FEZF2: variants seen among roughly 807,000 people sequenced by gnomAD.
FEZF2 encodes FEZ family zinc finger 2.
Under a neutral mutation model 32.8 loss-of-function variants are expected in FEZF2, and 2 were observed. The ratio of observed to expected loss-of-function variants is 0.06; its 90% confidence interval spans 0.02 to 0.19. FEZF2 has a LOEUF of 0.19. Ranked by LOEUF, FEZF2 falls within the 10% of genes least tolerant of loss-of-function variation. The probability of loss-of-function intolerance (pLI) is 1.00; values close to 1 mark genes in which losing one functional copy is unlikely to be tolerated. For missense variants in FEZF2, 516 were observed against 625.4 expected, an observed-to-expected ratio of 0.83 and a Z score of 1.87; for synonymous variants, 322 against 284.8, an observed-to-expected ratio of 1.13 and a Z score of -1.32.
Position 62,370,902 on chromosome 3 carries a change from G to A in FEZF2, c.1120+315C>T, listed in dbSNP as rs979173624. On this transcript the variant is annotated intron_variant, in intron 4 of 4. Coordinates refer to ENST00000283268, the MANE Select transcript of FEZF2 (RefSeq NM_018008.4). The surrounding 1 kb of genome is among the most constrained non-coding windows in gnomAD (Gnocchi z 4.2). ...ATTTTTCATTTGAAAGGGAAGTTCC[G>A]GATACAAAAGGAACCTTTTTCTATA... is the stretch of plus-strand genomic sequence containing the variant. Among the ~76,000 whole-genome samples the A allele has an allele frequency of 1.3e-5, 2 of 152,066 alleles. No homozygotes were observed. The highest frequency in any genetic ancestry group is 4.8e-5 in the African/African-American group (2 of 41,404).
Position 62,370,430 on chromosome 3 carries a change from C to T in FEZF2, c.1121-88G>A, listed in dbSNP as rs182928334. The T allele has an allele frequency of 2.1e-6, 3 of 1,451,442 alleles. No individual in the cohort carries two copies. In the African/African-American group the frequency reaches 4.3e-5, roughly 21 times the overall value. 89.9% of individuals were successfully genotyped at this position (1,451,442 alleles called of 1,614,324 possible). On this transcript the variant is annotated intron_variant, in intron 4 of 4. Transcript: ENST00000283268. This position sits in a 1 kb window ranked among gnomAD's most constrained non-coding sequence, Gnocchi z 4.2. ...GGGCGTCCCAGGGGCAGCCCAGGTG[C>T]CTGCTCAAAAAAGGCGACGCTTGGC... is the stretch of plus-strand genomic sequence containing the variant.
At chr3:62,371,756 A>G in intron 2 of FEZF2, 89 bp from the exon 3 acceptor site, 1 of 1,521,718 alleles carries the variant, frequency 6.6e-7, no homozygotes, top group Non-Finnish European at 8.8e-7. Context: ...TCCCCCAACC[A>G]ACACCCCCTT....
rs1419880471 is a variant in FEZF2 at position 62,372,590 on chromosome 3, C to G, written c.279G>C (p.Glu93Asp). ...VPSKTLLSYSELWKSSLRAGG... is the reference protein window; with the variant it reads ...VPSKTLLSYSDLWKSSLRAGG... ...CCGCCCGGAGGCTGCTTTTCCAGAG[C>G]TCCGAGTAACTGAGCAGTGTCTTTG... Residue 93 changes from glutamate (E) to aspartate (D), a missense_variant, in exon 2 of 5, where the codon GAG becomes GAC. Around this residue, in one of 3 missense-constraint regions of FEZF2, gnomAD observed 408 missense variants for 382.2 expected, o/e 1.07. Coordinates refer to ENST00000283268, the MANE Select transcript of FEZF2 (RefSeq NM_018008.4). This position sits in a 1 kb window ranked among gnomAD's most constrained non-coding sequence, Gnocchi z 9.6. 1 of 1,432,134 alleles carries G rather than the reference C, an allele frequency of 7.0e-7. No individual in the cohort carries two copies. The highest frequency in any genetic ancestry group is 9.2e-7 in the Non-Finnish European group (1 of 1,087,128). 88.7% of individuals were successfully genotyped at this position (1,432,134 alleles called of 1,614,324 possible).
chr3:62,371,806 A>G, intron 2 of FEZF2, 139 bp from the exon 3 acceptor site: 1 of 1,420,282 alleles, frequency 7.0e-7, no homozygotes, highest in East Asian at 2.4e-5. Context: ...AGTGCTGCCC[A>G]AACTCCTGCT....
rs961924417 is a variant in FEZF2, at chr3:62,369,729, G to A, written c.*354C>T. The A allele has an allele frequency of 4.0e-6, 1 of 248,900 alleles. No individual in the cohort carries two copies. The highest frequency in any genetic ancestry group is 2.2e-5 in the African/African-American group (1 of 45,028). The allele number at this position is 248,900 out of a possible 1,614,324, so 15.4% of individuals were successfully genotyped here. A position where few individuals can be genotyped will look rare whatever the true frequency, so the allele number is the denominator to read the frequency against. ...TATATATTCCGTGTTCGCTTGTACA[G>A]GAGGATTTACATGGCTGTATAAAGA... is the stretch of plus-strand genomic sequence containing the variant. On this transcript the variant is annotated 3_prime_UTR_variant, in exon 5 of 5. Coordinates refer to ENST00000283268, the MANE Select transcript of FEZF2 (RefSeq NM_018008.4). The surrounding 1 kb of genome is among the most constrained non-coding windows in gnomAD (Gnocchi z 4.2).
rs748844209 is a variant in FEZF2 at position 62,372,042 on chromosome 3, T to C, written c.827A>G (p.Asn276Ser). 1 of 1,607,492 alleles carries C rather than the reference T, an allele frequency of 6.2e-7. No homozygotes were observed. The highest frequency in any genetic ancestry group is 1.1e-5 in the South Asian group (1 of 90,410). ...PGGSADGKPKNFTCEVCGKVF... is the reference protein window; with the variant it reads ...PGGSADGKPKSFTCEVCGKVF... ...CTTGCCGCACACCTCGCAGGTGAAG[T>C]TTTTGGGCTTGCCATCTGCGGAGCC... is the stretch of plus-strand genomic sequence containing the variant. The change falls in exon 2 of 5, where the codon AAC becomes AGC. Residue 276 changes from asparagine to serine, a missense_variant. Coordinates refer to ENST00000283268, the MANE Select transcript of FEZF2 (RefSeq NM_018008.4). This position sits in a 1 kb window ranked among gnomAD's most constrained non-coding sequence, Gnocchi z 9.6.
Position 62,372,245 on chromosome 3 carries a change from G to A in FEZF2, c.624C>T (p.Pro208=). 6.3e-7 allele frequency: 1 copy of A among 1,580,312 alleles called. No individual in the cohort carries two copies. The highest frequency in any genetic ancestry group is 8.6e-7 in the Non-Finnish European group (1 of 1,162,954). Reference sequence around the variant, plus strand: ...TGGCGTTCTCCAGCAGAAAGAGCTTGGGGTGAGCAGCCAGGGCGGCGGGGG... The same window carrying A: ...TGGCGTTCTCCAGCAGAAAGAGCTTAGGGTGAGCAGCCAGGGCGGCGGGGG... The part of the protein sequence containing the change: ...AQAPAALAAH[P]KLFLLENAKL... Residue 208 remains proline (P), a synonymous_variant, in exon 2 of 5, where the codon CCC becomes CCT. Transcript: ENST00000283268. The surrounding 1 kb of genome is among the most constrained non-coding windows in gnomAD (Gnocchi z 9.6).
In FEZF2 at chr3:62,372,557, G is replaced by A. The variant is rs1365467977; in HGVS notation, c.312C>T (p.Gly104=). The change falls in exon 2 of 5, where the codon GGC becomes GGT. Residue 104 remains glycine (G), a synonymous_variant. Transcript: ENST00000283268. The surrounding 1 kb of genome is among the most constrained non-coding windows in gnomAD (Gnocchi z 9.6). ...LWKSSLRAGG[G]GGGGGGGGGG... is the part of the protein sequence containing the mutation. ...CGCCGCCACCGCCGCCGCCGCCTCC[G>A]CCGCCGCCCGCCCGGAGGCTGCTTT... The A allele has an allele frequency of 6.6e-6, 9 of 1,366,014 alleles. No homozygotes were observed. Among genetic ancestry groups the A allele is most frequent in the South Asian group, 4.9e-5 (2 of 41,042 alleles). The allele number at this position is 1,366,014 out of a possible 1,614,324, so 84.6% of individuals were successfully genotyped here. A position where few individuals can be genotyped will look rare whatever the true frequency, so the allele number is the denominator to read the frequency against.
Position 62,370,136 on chromosome 3 carries a change from C to A in FEZF2, c.1327G>T (p.Val443Leu). 1 of 1,614,200 alleles carries A rather than the reference C, an allele frequency of 6.2e-7. No homozygotes were observed. The highest frequency in any genetic ancestry group is 8.5e-7 in the Non-Finnish European group (1 of 1,180,042). Residue 443 changes from valine to leucine, a missense_variant, in exon 5 of 5, where the codon GTG becomes TTG. Transcript: ENST00000283268. This position sits in a 1 kb window ranked among gnomAD's most constrained non-coding sequence, Gnocchi z 4.2. ...TTTGCGGAGGGGGCAGCAGGGCCCA[C>A]GCTGTCGTGGAGTTTGCGCACATGT... ...KKHVRKLHDS[V>L]GPAAPSAKDL...
rs1032207210 is a variant in FEZF2 at position 62,372,385 on chromosome 3, C to T, written c.484G>A (p.Gly162Arg). ...TAGAGCGAGCCGCTGGCCGGCAGCCCCACAGCCTGGTTGATGACCTGCGGC... is the reference window on the plus strand; with the variant it reads ...TAGAGCGAGCCGCTGGCCGGCAGCCTCACAGCCTGGTTGATGACCTGCGGC... ...IKPQVINQAV[G>R]LPASGSLYYF... is the part of the protein sequence containing the mutation. Residue 162 changes from glycine to arginine, a missense_variant, in exon 2 of 5, where the codon GGG becomes AGG. By Grantham distance (125) the Gly-to-Arg change is moderately radical. Coordinates refer to ENST00000283268, the MANE Select transcript of FEZF2 (RefSeq NM_018008.4). This position sits in a 1 kb window ranked among gnomAD's most constrained non-coding sequence, Gnocchi z 9.6. The T allele has an allele frequency of 1.4e-5, 23 of 1,611,680 alleles. No individual in the cohort carries two copies. The highest frequency in any genetic ancestry group is 1.9e-5 in the Non-Finnish European group (23 of 1,179,796).
In FEZF2 at chr3:62,372,750, G is replaced by C. The variant is rs1704293029; in HGVS notation, c.119C>G (p.Ser40Trp). Residue 40 changes from serine (S) to tryptophan (W), a missense_variant, in exon 2 of 5, where the codon TCG (serine) becomes TGG (tryptophan). Physicochemically the swap from Ser to Trp is radical, Grantham distance 177. Transcript: ENST00000283268. The surrounding 1 kb of genome is among the most constrained non-coding windows in gnomAD (Gnocchi z 9.6). Reference sequence around the variant, plus strand: ...GGGCTCAAAGGGCGCACGGGGCTCCGACGTCTTGGCCATGATGCGCTCGAT... The same window carrying C: ...GGGCTCAAAGGGCGCACGGGGCTCCCACGTCTTGGCCATGATGCGCTCGAT... ...FSIERIMAKT[S>W]EPRAPFEPRP... The C allele has an allele frequency of 1.2e-6, 2 of 1,604,560 alleles. No homozygotes were observed. Among genetic ancestry groups the C allele is most frequent in the Admixed American group, 3.4e-5 (2 of 59,032 alleles).
chr3:62,372,230 C>T lies in FEZF2; in HGVS notation c.639G>A (p.Leu213=), dbSNP rs568980010. Reference sequence around the variant, plus strand: ...CCAGGCCGGCCAGCTTGGCGTTCTCCAGCAGAAAGAGCTTGGGGTGAGCAG... The same window carrying T: ...CCAGGCCGGCCAGCTTGGCGTTCTCTAGCAGAAAGAGCTTGGGGTGAGCAG... The part of the protein sequence containing the change: ...ALAAHPKLFL[L]ENAKLAGLAA... Residue 213 remains leucine, a synonymous_variant, in exon 2 of 5, where the codon CTG becomes CTA. Coordinates refer to ENST00000283268, the MANE Select transcript of FEZF2 (RefSeq NM_018008.4). This position sits in a 1 kb window ranked among gnomAD's most constrained non-coding sequence, Gnocchi z 9.6. 1.3e-6 allele frequency: 2 copies of T among 1,576,844 alleles called. No homozygotes were observed. Among genetic ancestry groups the T allele is most frequent in the Admixed American group, 1.8e-5 (1 of 54,110 alleles).
Position 62,371,901 on chromosome 3 carries a change from G to T in FEZF2, c.852+116C>A, listed in dbSNP as rs574701705. 275 of 1,452,936 alleles carry T rather than the reference G, an allele frequency of 1.9e-4. 2 individuals carry two copies. The East Asian group carries it at 4.6e-3, about 24-fold the overall frequency. 90.0% of individuals were successfully genotyped at this position (1,452,936 alleles called of 1,614,324 possible). A position where few individuals can be genotyped will look rare whatever the true frequency, so the allele number is the denominator to read the frequency against. ...AGGCCCAACGAGGCTCCCAGTTTGGGTAGTCAACTACTGGGGAGCTCCTCA... is the reference window on the plus strand; with the variant it reads ...AGGCCCAACGAGGCTCCCAGTTTGGTTAGTCAACTACTGGGGAGCTCCTCA... On this transcript the variant is annotated intron_variant, in intron 2 of 4. Transcript: ENST00000283268.
At chr3:62,371,795 A>C in intron 2 of FEZF2, 128 bp from the exon 3 acceptor site, 5 of 1,446,174 alleles carry the variant, frequency 3.5e-6, no homozygotes, top group Non-Finnish European at 4.6e-6. Flanking sequence ...TCAGTTTGTA[A>C]AGTGCTGCCC....
rs1288168565 is a variant in FEZF2, at chr3:62,372,300, A to C, written c.569T>G (p.Leu190Arg). ...CGCATTGAGGAGGCCAGACGGGAAG[A>C]GGTGGCCGCTGAGGAGCTCAGACGG... is the stretch of plus-strand genomic sequence containing the variant. ...YPPSELLSGH[L>R]FPSGLLNAQA... Residue 190 changes from leucine to arginine, a missense_variant, in exon 2 of 5, where the codon CTC (leucine) becomes CGC (arginine). By Grantham distance (102) the Leu-to-Arg change is moderately radical. Around this residue, in one of 3 missense-constraint regions of FEZF2, gnomAD observed 408 missense variants for 382.2 expected, o/e 1.07. Coordinates refer to ENST00000283268, the MANE Select transcript of FEZF2 (RefSeq NM_018008.4). The surrounding 1 kb of genome is among the most constrained non-coding windows in gnomAD (Gnocchi z 9.6). 11 of 1,605,952 alleles carry C rather than the reference A, an allele frequency of 6.8e-6. No individual in the cohort carries two copies. Among genetic ancestry groups the C allele is most frequent in the Non-Finnish European group, 9.3e-6 (11 of 1,177,250 alleles).
chr3:62,371,165 G>C (rs1035304038), intron 4 of FEZF2, 52 bp downstream of exon 4: 20 of 1,613,318 alleles, frequency 1.2e-5, no homozygotes, highest in Non-Finnish European at 1.7e-5. Flanking sequence ...AGCCAGCCGC[G>C]ACCCGAGTCC....
Position 62,369,978 on chromosome 3 carries a change from CCT to C in FEZF2, c.*103_*104del. 1.5e-6 allele frequency: 2 copies of C among 1,329,012 alleles called. No individual in the cohort carries two copies. The highest frequency in any genetic ancestry group is 2.5e-5 in the East Asian group (1 of 39,280). 82.3% of individuals were successfully genotyped at this position (1,329,012 alleles called of 1,614,324 possible). On this transcript the variant is annotated 3_prime_UTR_variant, in exon 5 of 5. Transcript: ENST00000283268. This position sits in a 1 kb window ranked among gnomAD's most constrained non-coding sequence, Gnocchi z 4.2. The stretch of plus-strand genomic sequence containing the variant: ...GCTGGTTTCGATAAATAGATTTTAG[CCT>C]CTCTGCTATAGTTTTTTTTTCTTTT...
intron 2 of FEZF2, 126 bp downstream of exon 2, chr3:62,371,891 C>G (rs1158607563): frequency 7.6e-6 from 11 of 1,441,596 alleles, no homozygotes; most frequent in Non-Finnish European, 1.0e-5. Context: ...CAACGAGGCT[C>G]CCAGTTTGGG....
chr3:62,373,009 G>T lies in FEZF2; in HGVS notation c.-58-83C>A. On this transcript the variant is annotated intron_variant, in intron 1 of 4. Transcript: ENST00000283268. This position sits in a 1 kb window ranked among gnomAD's most constrained non-coding sequence, Gnocchi z 5.5. Reference sequence around the variant, plus strand: ...CCGGGTCACCCATTTGCATTCAAATGAACAGGGGCAAAACAAAGTGCACCC... The same window carrying T: ...CCGGGTCACCCATTTGCATTCAAATTAACAGGGGCAAAACAAAGTGCACCC... 2 of 818,164 alleles carry T rather than the reference G, an allele frequency of 2.4e-6. No homozygotes were observed. The highest frequency in any genetic ancestry group is 3.4e-6 in the Non-Finnish European group (2 of 594,820). The allele number at this position is 818,164 out of a possible 1,614,324, so 50.7% of individuals were successfully genotyped here.
Sources: allele counts gnomAD v4.1 joint callset (sites outside exome capture counted in the v4.1 genomes callset), GRCh38; gene constraint gnomAD v4.1.1; regional missense constraint gnomAD v4.1.1; non-coding constraint Gnocchi (gnomAD v3.1); transcripts MANE v1.5; gene names NCBI Gene and HGNC (gene_info 2026-07-23, HGNC 2026-07-21).